Variants in HSPA4 observed in about 807,000 individuals in gnomAD.
HSPA4 encodes the protein heat shock protein family A (Hsp70) member 4.
HSPA4 carries 25 observed loss-of-function variants against 106.2 expected under a neutral mutation model. The observed-to-expected ratio is 0.24, with a 90% CI of 0.17 to 0.33. The LOEUF is 0.33. HSPA4 is among the 10% of genes least tolerant of loss of function. The probability of loss-of-function intolerance (pLI) is 1.00; values close to 1 mark genes in which losing one functional copy is unlikely to be tolerated. For missense variants in HSPA4, 841 were observed against 996.0 expected (o/e 0.84, Z 2.10); for synonymous variants, 332 against 333.6 (o/e 1.00, Z 0.05).
chr5:133,097,085 C>T, intron 14 of HSPA4, 76 bp from the exon 15 acceptor site: 1 of 1,229,296 alleles, frequency 8.1e-7, no homozygotes, highest in Non-Finnish European at 1.2e-6. Flanking sequence ...AGAGTCTCTA[C>T]TTTTATAATT....
intron 18 of HSPA4, 33 bp from the exon 19 acceptor site, chr5:133,104,200 T>C (rs1561588474): frequency 1.3e-6 from 2 of 1,596,096 alleles, no homozygotes; most frequent in South Asian, 2.2e-5. Flanking sequence ...GTTAATTTTA[T>C]AAGAAACCAG....
At chr5:133,069,105 A>G (rs552135847) in intron 3 of HSPA4, among the ~76,000 whole-genome samples, 9 of 152,276 alleles carry the variant, frequency 5.9e-5, no homozygotes, top group African/African-American at 2.2e-4. Context: ...CTGGATTGTA[A>G]TTTGGGAATA....
Position 133,105,585 on chromosome 5 carries a change from A to C in HSPA4, c.*1149A>C, listed in dbSNP as rs1765846498. Reference sequence around the variant, plus strand: ...GACTGCTTTTTGGGGCAGTGTTGACAGGAGTGAGGCATTTTGGAAACTCCA... The same window carrying C: ...GACTGCTTTTTGGGGCAGTGTTGACCGGAGTGAGGCATTTTGGAAACTCCA... On this transcript the variant is annotated 3_prime_UTR_variant, in exon 19 of 19. Transcript: ENST00000304858. The C allele has an allele frequency of 1.3e-5, 2 of 152,220 alleles. No individual in the cohort carries two copies. The highest frequency in any genetic ancestry group is 2.9e-5 in the Non-Finnish European group (2 of 68,040). The allele number at this position is 152,220 out of a possible 1,614,324, so 9.4% of individuals were successfully genotyped here.
intron 11 of HSPA4, among the ~76,000 whole-genome samples, chr5:133,090,244 G>T (rs1031138265): frequency 5.3e-5 from 8 of 151,702 alleles, no homozygotes; most frequent in Admixed American, 2.0e-4. Context: ...GGCTAACATG[G>T]TGAAACCCCG....
At chr5:133,089,279 G>A in intron 10 of HSPA4, 118 bp downstream of exon 10, 1 of 628,198 alleles carries the variant, frequency 1.6e-6, no homozygotes, top group East Asian at 2.8e-5. Context: ...AGTGCATGAA[G>A]GAAGTGGTCA....
At chr5:133,069,748 C>T (rs1765357756) in intron 3 of HSPA4, among the ~76,000 whole-genome samples, 1 of 152,164 alleles carries the variant, frequency 6.6e-6, no homozygotes, top group African/African-American at 2.4e-5. Flanking sequence ...TACCAGCAGC[C>T]TCTTTATGGA....
chr5:133,097,245 G>A lies in HSPA4; in HGVS notation c.1888G>A (p.Asp630Asn), dbSNP rs1473309771. ...GGAGGAATATGTGTATGAAATGAGA[G>A]ACAAGCTTAGTGGTGAATATGAGAA... Reference protein sequence around the residue: ...AVEEYVYEMRDKLSGEYEKFV... With the variant: ...AVEEYVYEMRNKLSGEYEKFV... The change falls in exon 15 of 19, where the codon GAC becomes AAC. Residue 630 changes from aspartate (D) to asparagine (N), a missense_variant. Around this residue, in one of 5 missense-constraint regions of HSPA4, gnomAD observed 328 missense variants for 372.2 expected, o/e 0.88. Transcript: ENST00000304858. The A allele has an allele frequency of 6.2e-7, 1 of 1,613,116 alleles. No individual in the cohort carries two copies. The highest frequency in any genetic ancestry group is 1.3e-5 in the African/African-American group (1 of 75,018).
intron 1 of HSPA4, among the ~76,000 whole-genome samples, chr5:133,056,918 G>T (rs1324947798): frequency 6.6e-6 from 1 of 152,022 alleles, no homozygotes; most frequent in Non-Finnish European, 1.5e-5. Context: ...TCAGAATAAT[G>T]CCTGGGATTC....
At chr5:133,055,789 A>G (rs1481672728) in intron 1 of HSPA4, among the ~76,000 whole-genome samples, 1 of 152,110 alleles carries the variant, frequency 6.6e-6, no homozygotes, top group African/African-American at 2.4e-5. Context: ...TTTAAATTGG[A>G]TGGAAGGACC....
intron 12 of HSPA4, among the ~76,000 whole-genome samples, chr5:133,092,121 G>T (rs1765654530): frequency 6.6e-6 from 1 of 152,204 alleles, no homozygotes; most frequent in Middle Eastern, 3.2e-3. Context: ...AGCTGAGGTA[G>T]CAGTAGTTTT....
At chr5:133,072,729 T>C (rs1765400329) in intron 4 of HSPA4, among the ~76,000 whole-genome samples, 1 of 151,800 alleles carries the variant, frequency 6.6e-6, no homozygotes, top group Non-Finnish European at 1.5e-5. Context: ...TCATCAGGGG[T>C]CTGTCACATT....
chr5:133,060,683 T>C (rs1463544167), intron 1 of HSPA4, among the ~76,000 whole-genome samples: 1 of 152,080 alleles, frequency 6.6e-6, no homozygotes, highest in Non-Finnish European at 1.5e-5. Context: ...ACTGACCCAA[T>C]TCAGCAAATT....
chr5:133,088,356 T>C (rs2126710365), intron 8 of HSPA4, 48 bp from the exon 9 acceptor site: 2 of 1,338,560 alleles, frequency 1.5e-6, no homozygotes, highest in South Asian at 1.2e-5. Flanking sequence ...TAAGATGTTA[T>C]TGTTCTTTCA....
intron 7 of HSPA4, among the ~76,000 whole-genome samples, chr5:133,080,061 T>A (rs1055196102): frequency 6.6e-6 from 1 of 152,188 alleles, no homozygotes; most frequent in African/African-American, 2.4e-5. Context: ...GCATAGTTTT[T>A]AGATATTTGT....
At chr5:133,092,925 A>G (rs1765666830) in intron 13 of HSPA4, 136 bp downstream of exon 13, 1 of 554,746 alleles carries the variant, frequency 1.8e-6, no homozygotes, top group Non-Finnish European at 3.1e-6. Context: ...GGTTCAAGTG[A>G]TTCTCCTACC....
chr5:133,053,907 G>T (rs1581461197), intron 1 of HSPA4, among the ~76,000 whole-genome samples: 1 of 151,628 alleles, frequency 6.6e-6, no homozygotes, highest in Non-Finnish European at 1.5e-5. Context: ...TGATCCTCCC[G>T]CCTCGGCCTC....
intron 1 of HSPA4, among the ~76,000 whole-genome samples, chr5:133,057,049 CTG>C (rs983142071): frequency 7.2e-5 from 11 of 152,222 alleles, no homozygotes; most frequent in African/African-American, 1.7e-4. Context: ...GGTTCTACAA[CTG>C]TGTACTTTTA....
chr5:133,104,497 C>A lies in HSPA4; in HGVS notation c.*61C>A. 1 of 1,466,888 alleles carries A rather than the reference C, an allele frequency of 6.8e-7. No homozygotes were observed. The highest frequency in any genetic ancestry group is 1.2e-5 in the South Asian group (1 of 84,112). 90.9% of individuals were successfully genotyped at this position (1,466,888 alleles called of 1,614,324 possible). A position where few individuals can be genotyped will look rare whatever the true frequency, so the allele number is the denominator to read the frequency against. On this transcript the variant is annotated 3_prime_UTR_variant, in exon 19 of 19. Coordinates refer to ENST00000304858, the MANE Select transcript of HSPA4 (RefSeq NM_002154.4). ...AAAGCTTTAAGTTGTCAACTTTGTT[C>A]TAAATATCAACTAGCGCAAGTGAAT...
At chr5:133,059,184 G>T (rs907424735) in intron 1 of HSPA4, among the ~76,000 whole-genome samples, 2 of 145,686 alleles carry the variant, frequency 1.4e-5, no homozygotes, top group Non-Finnish European at 3.0e-5. Context: ...GTGGTGGCTC[G>T]TGCCTGTAAT....
Sources: allele counts gnomAD v4.1 joint callset (sites outside exome capture counted in the v4.1 genomes callset), GRCh38; gene constraint gnomAD v4.1.1; regional missense constraint gnomAD v4.1.1; transcripts MANE v1.5; gene names NCBI Gene and HGNC (gene_info 2026-07-23, HGNC 2026-07-21).